Variants in DCUN1D2 observed in about 807,000 individuals in gnomAD.
DCUN1D2 encodes the protein DCN1-like protein 2.
DCUN1D2 carries 29 observed loss-of-function variants against 30.9 expected under a neutral mutation model. The observed-to-expected ratio is 0.94, with a 90% CI of 0.70 to 1.28. The LOEUF (loss-of-function observed/expected upper bound fraction) is 1.28, where lower values mean the gene tolerates loss of function less well. Among genes scored for constraint, DCUN1D2 ranks in the 50% most tolerant of loss-of-function variants. DCUN1D2 has a pLI of 0.00. For synonymous variants in DCUN1D2, 121 were observed against 115.3 expected, an observed-to-expected ratio of 1.05 and a Z score of -0.32; for missense variants, 325 against 316.9, an observed-to-expected ratio of 1.03 and a Z score of -0.19.
chr13:113,482,857 C>T (rs900671085), intron 2 of DCUN1D2, among the ~76,000 whole-genome samples: 11 of 152,086 alleles, frequency 7.2e-5, no homozygotes, highest in Admixed American at 5.2e-4. Flanking sequence ...GCAGGAGAAT[C>T]GCTTGAATGT....
intron 2 of DCUN1D2, among the ~76,000 whole-genome samples, chr13:113,482,570 T>C (rs1433851507): frequency 6.6e-6 from 1 of 152,164 alleles, no homozygotes; most frequent in Non-Finnish European, 1.5e-5. Context: ...AAAGCAATTT[T>C]CAACTCACTT....
intron 4 of DCUN1D2, among the ~76,000 whole-genome samples, chr13:113,465,867 A>T (rs532872738): frequency 6.8e-6 from 1 of 147,398 alleles, no homozygotes; most frequent in South Asian, 2.1e-4. Context: ...GTATATATAT[A>T]GACAGATATA....
At chr13:113,482,176 GTTA>G (rs1370785202) in intron 2 of DCUN1D2, among the ~76,000 whole-genome samples, 1 of 152,306 alleles carries the variant, frequency 6.6e-6, no homozygotes, top group East Asian at 1.9e-4. Flanking sequence ...CATAACCAAT[GTTA>G]TATTTGTCAA....
rs1046049404 is a variant in DCUN1D2, at chr13:113,456,301, C to T, written c.*1728G>A. 35 of 398,620 alleles carry T rather than the reference C, an allele frequency of 8.8e-5. No homozygotes were observed. The highest frequency in any genetic ancestry group is 3.1e-4 in the Admixed American group (7 of 22,716). 24.7% of individuals were successfully genotyped at this position (398,620 alleles called of 1,614,324 possible). On this transcript the variant is annotated 3_prime_UTR_variant, in exon 7 of 7. Transcript: ENST00000478244. ...GGGGTCTGCAGGCTGCAGGTCCCTT[C>T]CAGTCCTGTCCCTGCTGCCCTCTGT...
At position 113,471,639 on chromosome 13, in the gene DCUN1D2, T is replaced by C. The variant is rs934827013; in HGVS notation, c.520+2485A>G. ...CTTCAAAGCAAAAGAAAAAATGGCC[T>C]TTGTTTGGGTATTTAGGCAAAACAG... On this transcript the variant is annotated intron_variant, in intron 4 of 6. Transcript: ENST00000478244. 2.0e-5 allele frequency among the ~76,000 whole-genome samples: 3 copies of C among 152,146 alleles called. 1 individual carries two copies. In the South Asian group the frequency reaches 6.2e-4, roughly 32 times the overall value.
At chr13:113,461,690 T>C (rs2139677407) in intron 4 of DCUN1D2, among the ~76,000 whole-genome samples, 1 of 152,030 alleles carries the variant, frequency 6.6e-6, no homozygotes, top group South Asian at 2.1e-4. Flanking sequence ...GAAAGCGTTC[T>C]CACTGATGCA....
At position 113,480,801 on chromosome 13, in the gene DCUN1D2, TAGG is replaced by T. The variant is rs1177378642; in HGVS notation, c.221-61_221-59del. The T allele has an allele frequency of 7.6e-6, 12 of 1,588,192 alleles. No individual in the cohort carries two copies. The East Asian group carries it at 1.8e-4, about 24-fold the overall frequency. The stretch of plus-strand genomic sequence containing the variant: ...ACTATTTTGAAAAGTAATTCTAAAA[TAGG>T]AGGTTTGAATCCTAGCATTCGATTA... On this transcript the variant is annotated intron_variant, in intron 2 of 6. Transcript: ENST00000478244.
chr13:113,475,447 G>A (rs1285232241), intron 3 of DCUN1D2: 1 of 152,276 alleles, frequency 6.6e-6, no homozygotes, highest in Admixed American at 6.5e-5. Context: ...GTAGTGGGCT[G>A]TAGCATCTCG....
In DCUN1D2 at chr13:113,456,065, T is replaced by G; in HGVS notation, c.*1964A>C. On this transcript the variant is annotated 3_prime_UTR_variant, in exon 7 of 7. Transcript: ENST00000478244. ...CTTTTCTGAACAAAACAATTACATGTCAAGAATCCATGAAGCCTGGAAGAT... is the reference window on the plus strand; with the variant it reads ...CTTTTCTGAACAAAACAATTACATGGCAAGAATCCATGAAGCCTGGAAGAT... 1 of 397,474 alleles carries G rather than the reference T, an allele frequency of 2.5e-6. No individual in the cohort carries two copies. 24.6% of individuals were successfully genotyped at this position (397,474 alleles called of 1,614,324 possible). A position where few individuals can be genotyped will look rare whatever the true frequency, so the allele number is the denominator to read the frequency against.
chr13:113,463,697 AAAC>A (rs1228104703), intron 4 of DCUN1D2, among the ~76,000 whole-genome samples: 1 of 152,170 alleles, frequency 6.6e-6, no homozygotes, highest in East Asian at 1.9e-4. Flanking sequence ...TCTTACATAA[AAAC>A]AATACAGTAC....
chr13:113,490,811 T>C (rs540653401), upstream of DCUN1D2: 12 of 750,314 alleles, frequency 1.6e-5, no homozygotes, highest in Non-Finnish European at 1.9e-5. This position sits in a 1 kb window ranked among gnomAD's most constrained non-coding sequence, Gnocchi z 5.2. Context: ...ACTCCCGGCA[T>C]GCTCAGCGCC....
chr13:113,483,614 T>C (rs1273484811), intron 2 of DCUN1D2, among the ~76,000 whole-genome samples: 1 of 152,206 alleles, frequency 6.6e-6, no homozygotes, highest in Non-Finnish European at 1.5e-5. Context: ...CCCTGCCCCA[T>C]CGCTGACTCC....
chr13:113,458,740 G>C (rs1456198406), intron 6 of DCUN1D2, among the ~76,000 whole-genome samples: 1 of 152,158 alleles, frequency 6.6e-6, no homozygotes. Flanking sequence ...AAGGCACGGC[G>C]CCAGGGCCCA....
At chr13:113,478,003 T>C (rs184500358) in intron 3 of DCUN1D2, among the ~76,000 whole-genome samples, 1 of 152,378 alleles carries the variant, frequency 6.6e-6, no homozygotes, top group East Asian at 1.9e-4. Flanking sequence ...GAGTGGCCTA[T>C]AATTTTCCAT....
intron 6 of DCUN1D2, 82 bp from the exon 7 acceptor site, chr13:113,458,190 T>C (rs1026126941): frequency 7.6e-6 from 9 of 1,185,666 alleles, no homozygotes; most frequent in East Asian, 2.3e-5. Flanking sequence ...CAATCCAACA[T>C]TTACACTTCA....
At chr13:113,476,830 G>A (rs1057427112) in intron 3 of DCUN1D2, among the ~76,000 whole-genome samples, 1 of 152,100 alleles carries the variant, frequency 6.6e-6, no homozygotes, top group Non-Finnish European at 1.5e-5. Flanking sequence ...TTTACATATG[G>A]TATGCGGTAG....
intron 3 of DCUN1D2, among the ~76,000 whole-genome samples, chr13:113,477,441 T>C (rs1179735327): frequency 6.6e-6 from 1 of 152,226 alleles, no homozygotes; most frequent in Non-Finnish European, 1.5e-5. Context: ...TTGCACTTGG[T>C]GTCCTGAAAT....
In DCUN1D2 at chr13:113,457,897, G is replaced by C; in HGVS notation, c.*132C>G. 1.2e-6 allele frequency: 1 copy of C among 857,016 alleles called. No individual in the cohort carries two copies. Among genetic ancestry groups the C allele is most frequent in the Non-Finnish European group, 1.9e-6 (1 of 526,012 alleles). The allele number at this position is 857,016 out of a possible 1,614,324, so 53.1% of individuals were successfully genotyped here. ...CCGCTGGCTGTCCTCCGGCAGAATG[G>C]GATGGCGCCTCTGGTTTCATGGCTG... is the stretch of plus-strand genomic sequence containing the variant. On this transcript the variant is annotated 3_prime_UTR_variant, in exon 7 of 7. Transcript: ENST00000478244.
intron 1 of DCUN1D2, among the ~76,000 whole-genome samples, chr13:113,485,491 T>C (rs1334162191): frequency 1.3e-5 from 2 of 152,110 alleles, no homozygotes; most frequent in Non-Finnish European, 2.9e-5. Flanking sequence ...TTTCATAAGA[T>C]CTAAAACCTT....
Sources: gnomAD v4.1 joint callset for allele counts (sites outside exome capture counted in the v4.1 genomes callset) on GRCh38, gnomAD v4.1.1 for gene constraint, Gnocchi (gnomAD v3.1) non-coding constraint, MANE v1.5 for transcripts, NCBI Gene and HGNC (gene_info 2026-07-23, HGNC 2026-07-21) for gene names.